ANO3: variants seen among roughly 807,000 people sequenced by gnomAD.
ANO3 encodes anoctamin-3.
A neutral mutation model predicts 144.8 loss-of-function variants in ANO3; 99 were observed. The ratio of observed to expected loss-of-function variants is 0.68; its 90% CI spans 0.58 to 0.81. ANO3 has a LOEUF of 0.81. Ranked by LOEUF, ANO3 falls within the 30% of genes least tolerant of loss-of-function variation. ANO3 has a pLI of 0.00. For synonymous variants in ANO3, 414 were observed against 392.6 expected, an observed-to-expected ratio of 1.05 and a Z score of -0.64; for missense variants, 905 against 1,202.2, an observed-to-expected ratio of 0.75 and a Z score of 3.66.
At chr11:26,283,931 T>C (rs1296197186) in intron 1 of ANO3, among the ~76,000 whole-genome samples, 1 of 152,178 alleles carries the variant, frequency 6.6e-6, no homozygotes, top group East Asian at 1.9e-4. Flanking sequence ...ACCTGCAAGA[T>C]GCACCAGAAC....
intron 1 of ANO3, among the ~76,000 whole-genome samples, chr11:26,376,471 AC>A (rs1856410183): frequency 6.6e-6 from 1 of 152,092 alleles, no homozygotes; most frequent in Admixed American, 6.6e-5. Context: ...AAATTCATTT[AC>A]CTCAGTTCAT....
At chr11:26,390,421 C>CA (rs1190043832) in intron 1 of ANO3, among the ~76,000 whole-genome samples, 7 of 152,020 alleles carry the variant, frequency 4.6e-5, no homozygotes, top group Non-Finnish European at 8.8e-5. Flanking sequence ...GACCCCCTCC[C>CA]AAAAAACTTG....
intron 14 of ANO3, among the ~76,000 whole-genome samples, chr11:26,573,835 T>C (rs967416309): frequency 4.6e-5 from 7 of 152,150 alleles, no homozygotes; most frequent in Non-Finnish European, 8.8e-5. Context: ...CATCTGGAAA[T>C]AAACTTATAA....
chr11:26,234,342 T>G (rs1406449929), intron 1 of ANO3, among the ~76,000 whole-genome samples: 1 of 152,294 alleles, frequency 6.6e-6, no homozygotes, highest in African/African-American at 2.4e-5. Context: ...ATTAAATACT[T>G]AGATATGCCA....
At chr11:26,476,023 T>C (rs1264302205) in intron 4 of ANO3, among the ~76,000 whole-genome samples, 1 of 152,080 alleles carries the variant, frequency 6.6e-6, no homozygotes, top group Non-Finnish European at 1.5e-5. Context: ...CCTGAGAATT[T>C]GCATTTTTAA....
At chr11:26,495,104 T>TTTATTTAC (rs1554961829) in intron 4 of ANO3, among the ~76,000 whole-genome samples, 32 of 150,338 alleles carry the variant, frequency 2.1e-4, no homozygotes, top group African/African-American at 7.8e-4. Flanking sequence ...TATTTATTTA[T>TTTATTTAC]TTATTTATTT....
At chr11:26,471,881 C>T (rs1208463845) in intron 4 of ANO3, among the ~76,000 whole-genome samples, 3 of 151,950 alleles carry the variant, frequency 2.0e-5, no homozygotes, top group African/African-American at 4.8e-5. Flanking sequence ...TAATTAAACA[C>T]ATAGAGGTTT....
intron 1 of ANO3, among the ~76,000 whole-genome samples, chr11:26,238,906 A>G (rs1245782585): frequency 2.0e-5 from 3 of 151,878 alleles, no homozygotes; most frequent in South Asian, 2.1e-4. Context: ...AATTTGGAAA[A>G]TGTAAATAAA....
At chr11:26,473,556 A>C (rs376372220) in intron 4 of ANO3, among the ~76,000 whole-genome samples, 6 of 151,856 alleles carry the variant, frequency 4.0e-5, no homozygotes, top group African/African-American at 1.4e-4. Context: ...AATTACAGGA[A>C]TTCCTGGTGA....
intron 4 of ANO3, among the ~76,000 whole-genome samples, chr11:26,506,466 G>A (rs538228709): frequency 7.1e-4 from 108 of 152,266 alleles, no homozygotes; most frequent in African/African-American, 2.5e-3. Flanking sequence ...TACATAGTAA[G>A]TATTTGATAA....
chr11:26,438,333 G>A (rs1858369610), intron 1 of ANO3, among the ~76,000 whole-genome samples: 1 of 151,980 alleles, frequency 6.6e-6, no homozygotes, highest in Admixed American at 6.6e-5. Context: ...CTTTTTAGAA[G>A]ACACTAGTAA....
chr11:26,608,157 C>CT (rs953161157), intron 17 of ANO3, among the ~76,000 whole-genome samples: 1 of 151,846 alleles, frequency 6.6e-6, no homozygotes, highest in Admixed American at 6.6e-5. Flanking sequence ...GTCGTTCTTG[C>CT]TTTCTGTTTG....
intron 1 of ANO3, among the ~76,000 whole-genome samples, chr11:26,418,947 T>C (rs994559586): frequency 6.6e-6 from 1 of 152,058 alleles, no homozygotes; most frequent in African/African-American, 2.4e-5. Flanking sequence ...GGACACAAAA[T>C]TTTCTGTATT....
intron 11 of ANO3, 60 bp from the exon 12 acceptor site, chr11:26,547,356 A>G (rs1849813816): frequency 5.8e-6 from 9 of 1,551,002 alleles, no homozygotes; most frequent in Middle Eastern, 1.7e-4. Flanking sequence ...TGTGGCATCA[A>G]TATTTGTAAT....
At chr11:26,493,873 G>A (rs950530850) in intron 4 of ANO3, among the ~76,000 whole-genome samples, 9 of 152,086 alleles carry the variant, frequency 5.9e-5, no homozygotes, top group East Asian at 3.9e-4. Flanking sequence ...TCTTTCCACC[G>A]TGAAAACTCT....
At position 26,548,911 on chromosome 11, in the gene ANO3, G is replaced by A. The variant is rs1363037989; in HGVS notation, c.1289+1361G>A. ...TTCTGTTGTATCAGTAACATCCGGG[G>A]CTCAGAAGAAAGGTTGTGGTTTAGA... On this transcript the variant is annotated intron_variant, in intron 12 of 26. Transcript: ENST00000256737. Among the ~76,000 whole-genome samples the A allele has an allele frequency of 2.7e-5, 4 of 150,922 alleles. No individual in the cohort carries two copies. The East Asian group carries it at 5.9e-4, about 22-fold the overall frequency.
chr11:26,627,417 C>T (rs560060713), intron 18 of ANO3, among the ~76,000 whole-genome samples: 21 of 151,858 alleles, frequency 1.4e-4, no homozygotes, highest in Non-Finnish European at 2.8e-4. Context: ...TCCTATTTCA[C>T]CATTGTTGTA....
chr11:26,569,959 G>A (rs1850754892), intron 14 of ANO3, among the ~76,000 whole-genome samples: 1 of 151,918 alleles, frequency 6.6e-6, no homozygotes, highest in African/African-American at 2.4e-5. Context: ...GCATCTGGGT[G>A]GTAGCTCCTA....
intron 7 of ANO3, among the ~76,000 whole-genome samples, chr11:26,530,621 G>A (rs1050103199): frequency 6.6e-6 from 1 of 151,778 alleles, no homozygotes; most frequent in Admixed American, 6.6e-5. Flanking sequence ...AGCACTTTGG[G>A]AGGCCGAGGC....
Sources: allele counts gnomAD v4.1 joint callset (sites outside exome capture counted in the v4.1 genomes callset), GRCh38; gene constraint gnomAD v4.1.1; transcripts MANE v1.5; gene names NCBI Gene and HGNC (gene_info 2026-07-23, HGNC 2026-07-21).